ANKS1A: variants seen among roughly 807,000 people sequenced by gnomAD.
The protein encoded by ANKS1A is ankyrin repeat and sterile alpha motif domain containing 1A.
ANKS1A carries 55 observed loss-of-function variants against 120.3 expected under a neutral mutation model. The observed-to-expected ratio is 0.46, with a 90% CI of 0.37 to 0.57. The LOEUF (loss-of-function observed/expected upper bound fraction) is 0.57. Among genes scored for constraint, ANKS1A ranks in the 20% least tolerant of loss-of-function variants. The pLI, the probability that ANKS1A is intolerant of heterozygous loss-of-function variation, is 0.00. For missense variants in ANKS1A, 1,123 were observed against 1,480.3 expected (o/e 0.76, Z 3.96); for synonymous variants, 590 against 604.7 (o/e 0.98, Z 0.36).
At chr6:35,006,684 G>A (rs186102465) in intron 10 of ANKS1A, among the ~76,000 whole-genome samples, 1 of 152,280 alleles carries the variant, frequency 6.6e-6, no homozygotes, top group African/African-American at 2.4e-5. Flanking sequence ...GAACCCGGGA[G>A]GCAGAGCTTG....
intron 10 of ANKS1A, among the ~76,000 whole-genome samples, chr6:35,006,710 G>A (rs1031420272): frequency 2.0e-5 from 3 of 151,852 alleles, no homozygotes; most frequent in East Asian, 3.9e-4. Context: ...AGCCAAGATC[G>A]CACCACTGCA....
At chr6:34,930,452 GT>G (rs752722571) in intron 1 of ANKS1A, among the ~76,000 whole-genome samples, 18 of 152,192 alleles carry the variant, frequency 1.2e-4, no homozygotes, top group Non-Finnish European at 2.4e-4. Context: ...ACTCGGCCCT[GT>G]TGCACATTCC....
At chr6:34,999,379 CTGATTTTGGTTT>C (rs1450047486) in intron 10 of ANKS1A, among the ~76,000 whole-genome samples, 6 of 152,130 alleles carry the variant, frequency 3.9e-5, no homozygotes, top group African/African-American at 1.4e-4. Context: ...TCTGGATACT[CTGATTTTGGTTT>C]TGATTTTGGT....
intron 13 of ANKS1A, among the ~76,000 whole-genome samples, chr6:35,072,257 G>T (rs146567687): frequency 6.6e-6 from 1 of 152,224 alleles, no homozygotes; most frequent in Admixed American, 6.5e-5. Flanking sequence ...CTCCCAGGAC[G>T]CCCGGGGCCG....
At chr6:35,023,692 G>T (rs1307791382) in intron 11 of ANKS1A, 3 of 380,938 alleles carry the variant, frequency 7.9e-6, no homozygotes, top group African/African-American at 2.1e-5. Context: ...GGAAAGGGTA[G>T]AGAGATTCGA....
At chr6:35,083,963 C>G (rs900094429) in intron 20 of ANKS1A, among the ~76,000 whole-genome samples, 158 bp from the exon 21 acceptor site, 1 of 152,086 alleles carries the variant, frequency 6.6e-6, no homozygotes, top group Non-Finnish European at 1.5e-5. Flanking sequence ...AATCGGGGAC[C>G]CCCACCCCCA....
chr6:34,964,205 A>G (rs1404671260), intron 1 of ANKS1A, among the ~76,000 whole-genome samples: 1 of 152,112 alleles, frequency 6.6e-6, no homozygotes, highest in African/African-American at 2.4e-5. Context: ...GCTGTGTTTT[A>G]TTAACATTTT....
chr6:35,002,072 T>C (rs1773198918), intron 10 of ANKS1A, among the ~76,000 whole-genome samples: 1 of 152,188 alleles, frequency 6.6e-6, no homozygotes, highest in African/African-American at 2.4e-5. Flanking sequence ...TATTAGCTAA[T>C]GAATGCTAGA....
chr6:34,961,561 A>T (rs766566423), intron 1 of ANKS1A, among the ~76,000 whole-genome samples: 11 of 152,164 alleles, frequency 7.2e-5, no homozygotes, highest in Non-Finnish European at 1.5e-4. Flanking sequence ...TTTAGTGCTG[A>T]CATAGGATGT....
intron 1 of ANKS1A, among the ~76,000 whole-genome samples, chr6:34,916,286 C>T (rs995536829): frequency 3.9e-5 from 6 of 152,158 alleles, no homozygotes; most frequent in African/African-American, 1.4e-4. Context: ...AGCCACTGCG[C>T]CCAGCCCATG....
intron 10 of ANKS1A, among the ~76,000 whole-genome samples, chr6:35,015,156 G>A (rs1362823216): frequency 2.0e-5 from 3 of 152,178 alleles, no homozygotes; most frequent in Non-Finnish European, 4.4e-5. Context: ...TTGAGTTGAG[G>A]TGTGAAAGTC....
chr6:34,913,981 G>A (rs1002414382), intron 1 of ANKS1A, among the ~76,000 whole-genome samples: 1 of 151,956 alleles, frequency 6.6e-6, no homozygotes, highest in African/African-American at 2.4e-5. Context: ...GCAGTGGCGT[G>A]ATCTTGGCTC....
rs760181911 is a variant in ANKS1A at position 34,967,302 on chromosome 6, T to C, written c.261T>C (p.Ala87=). 7.4e-6 allele frequency: 12 copies of C among 1,613,930 alleles called. No individual in the cohort carries two copies. Among genetic ancestry groups the C allele is most frequent in the Non-Finnish European group, 8.5e-6 (10 of 1,179,996 alleles). Residue 87 remains alanine, a synonymous_variant, in exon 2 of 24, where the codon GCT becomes GCC. Coordinates refer to ENST00000360359, the MANE Select transcript of ANKS1A (RefSeq NM_015245.3). ...DSTGYTPLHH[A]ALNGHKDVVE... is the part of the protein sequence containing the mutation. ...CTGGCTACACACCCCTGCACCATGC[T>C]GCTTTGAATGGCCATAAGTAAGTAT...
chr6:34,897,528 G>A (rs1767149751), intron 1 of ANKS1A, among the ~76,000 whole-genome samples: 1 of 152,192 alleles, frequency 6.6e-6, no homozygotes, highest in African/African-American at 2.4e-5. Context: ...AGGCTCTCCT[G>A]TGGGTAGGAA....
intron 11 of ANKS1A, among the ~76,000 whole-genome samples, chr6:35,051,907 T>C (rs1342642078): frequency 6.6e-6 from 1 of 152,210 alleles, no homozygotes; most frequent in African/African-American, 2.4e-5. Flanking sequence ...AAACTAACCT[T>C]TTATTGAGCA....
At chr6:35,039,192 C>CTTTTTTTTTTT (rs35565672) in intron 11 of ANKS1A, among the ~76,000 whole-genome samples, 1 of 83,788 alleles carries the variant, frequency 1.2e-5, no homozygotes, top group Non-Finnish European at 2.1e-5. Flanking sequence ...CTCCCTCATA[C>CTTTTTTTTTTT]TTTTTTTTTT....
At chr6:34,996,617 C>G (rs568490048) in intron 10 of ANKS1A, among the ~76,000 whole-genome samples, 2 of 152,064 alleles carry the variant, frequency 1.3e-5, no homozygotes, top group East Asian at 3.9e-4. Context: ...AGTCCACAGG[C>G]GCGTGCTACC....
chr6:35,039,570 T>A (rs778920140), intron 11 of ANKS1A: 4 of 456,550 alleles, frequency 8.8e-6, no homozygotes, highest in South Asian at 6.2e-5. Flanking sequence ...TTCCTCCCAG[T>A]TAGGAAGGAA....
intron 1 of ANKS1A, among the ~76,000 whole-genome samples, chr6:34,906,874 C>T (rs1002231791): frequency 1.3e-5 from 2 of 152,088 alleles, no homozygotes; most frequent in South Asian, 2.1e-4. Flanking sequence ...AAACTGGCGT[C>T]CAAATAATAG....
Sources: gnomAD v4.1 joint callset for allele counts (sites outside exome capture counted in the v4.1 genomes callset) on GRCh38, gnomAD v4.1.1 for gene constraint, MANE v1.5 for transcripts, NCBI Gene and HGNC (gene_info 2026-07-23, HGNC 2026-07-21) for gene names.